The following CACNA2D3 variants were observed in gnomAD, a reference collection of about 807,000 sequenced individuals.
CACNA2D3 encodes the protein calcium voltage-gated channel auxiliary subunit alpha2delta 3.
In CACNA2D3, 60 loss-of-function variants were observed where a neutral mutation model predicts 160.6. The observed-to-expected ratio is 0.37, with a 90% CI of 0.30 to 0.46. The LOEUF is 0.46. Ranked by LOEUF, CACNA2D3 falls within the 20% of genes least tolerant of loss-of-function variation. The pLI is 1.00. For synonymous variants in CACNA2D3, 558 were observed against 492.9 expected, an observed-to-expected ratio of 1.13 and a Z score of -1.75; for missense variants, 1,205 against 1,365.0, an observed-to-expected ratio of 0.88 and a Z score of 1.85.
intron 35 of CACNA2D3, among the ~76,000 whole-genome samples, chr3:55,064,536 C>T (rs1704593000): frequency 6.6e-6 from 1 of 152,124 alleles, no homozygotes; most frequent in Non-Finnish European, 1.5e-5. Context: ...TCCTCACAGC[C>T]CTCCTCTCTC....
chr3:54,236,644 A>G (rs1701883746), intron 2 of CACNA2D3, among the ~76,000 whole-genome samples: 1 of 152,184 alleles, frequency 6.6e-6, no homozygotes, highest in South Asian at 2.1e-4. Flanking sequence ...TCAAAGATGT[A>G]GAAAATTCTT....
chr3:54,416,449 G>C lies in CACNA2D3; in HGVS notation c.381+29675G>C, dbSNP rs1174901072. 2.6e-5 allele frequency among the ~76,000 whole-genome samples: 4 copies of C among 151,968 alleles called. No individual in the cohort carries two copies. In the South Asian group the frequency reaches 8.3e-4, roughly 32 times the overall value. On this transcript the variant is annotated intron_variant, in intron 4 of 37. Transcript: ENST00000474759. ...GACATCTAGTAGCATGTCCACAAAT[G>C]TTTGTTAGAATCTGTTACATCCATA... is the stretch of plus-strand genomic sequence containing the variant.
At position 54,716,750 on chromosome 3, in the gene CACNA2D3, C is replaced by T. The variant is rs182240805; in HGVS notation, c.1168-35849C>T. Among the ~76,000 whole-genome samples, 16 of 152,230 alleles carry T rather than the reference C, an allele frequency of 1.1e-4. No homozygotes were observed. The East Asian group carries it at 2.9e-3, about 28-fold the overall frequency. On this transcript the variant is annotated intron_variant, in intron 11 of 37. Transcript: ENST00000474759. ...TATTTTTGGTTTTGTTTTTCCATGT[C>T]TCAGCTTCCAAGCTAAACTTTTCCC...
At chr3:54,632,362 C>A (rs1330779268) in intron 10 of CACNA2D3, 1 of 152,130 alleles carries the variant, frequency 6.6e-6, no homozygotes, top group Non-Finnish European at 1.5e-5. Flanking sequence ...AACAATGGCC[C>A]TAGAGTATTC....
At chr3:55,037,842 A>C (rs1703864346) in intron 35 of CACNA2D3, among the ~76,000 whole-genome samples, 1 of 152,104 alleles carries the variant, frequency 6.6e-6, no homozygotes, top group Non-Finnish European at 1.5e-5. Flanking sequence ...TGCCGTTTTT[A>C]GATGAAAGTA....
intron 16 of CACNA2D3, among the ~76,000 whole-genome samples, chr3:54,843,110 C>T (rs1228038379): frequency 1.3e-5 from 2 of 151,690 alleles, no homozygotes; most frequent in Non-Finnish European, 1.5e-5. Flanking sequence ...TACAGGTGCC[C>T]GCCACCATGC....
intron 10 of CACNA2D3, 56 bp from the exon 11 acceptor site, chr3:54,642,072 C>G (rs1440311424): frequency 8.7e-7 from 1 of 1,144,712 alleles, no homozygotes; most frequent in Non-Finnish European, 1.2e-6. Context: ...TGATTTTTCA[C>G]TGATACACAG....
chr3:54,554,456 G>A (rs1702207892), intron 5 of CACNA2D3, among the ~76,000 whole-genome samples: 1 of 152,186 alleles, frequency 6.6e-6, no homozygotes, highest in Non-Finnish European at 1.5e-5. Context: ...GAGAGAAAGA[G>A]ACTTGCATAA....
chr3:54,227,481 G>C (rs759369039), intron 2 of CACNA2D3, among the ~76,000 whole-genome samples: 3 of 151,526 alleles, frequency 2.0e-5, no homozygotes, highest in African/African-American at 7.3e-5. Flanking sequence ...GGTATTCCTC[G>C]GGAGAGTGAA....
intron 12 of CACNA2D3, among the ~76,000 whole-genome samples, chr3:54,763,780 C>CATATATATACATATATATACGT: frequency 3.9e-5 from 1 of 25,736 alleles, no homozygotes; most frequent in African/African-American, 1.2e-4. Flanking sequence ...TATATATGTA[C>CATATATATACATATATATACGT]ATATATATGT....
At chr3:54,481,722 A>C (rs1000346764) in intron 4 of CACNA2D3, among the ~76,000 whole-genome samples, 1 of 152,238 alleles carries the variant, frequency 6.6e-6, no homozygotes. Flanking sequence ...CCATTTGCTT[A>C]GGCTTTATGA....
chr3:55,072,678 GTTCC>G (rs1191525131), intron 35 of CACNA2D3, among the ~76,000 whole-genome samples: 1 of 152,166 alleles, frequency 6.6e-6, no homozygotes, highest in Non-Finnish European at 1.5e-5. Flanking sequence ...TCCCTCATTT[GTTCC>G]TCCAAAGAAA....
At chr3:54,491,616 G>T (rs1701111355) in intron 4 of CACNA2D3, among the ~76,000 whole-genome samples, 1 of 152,210 alleles carries the variant, frequency 6.6e-6, no homozygotes, top group East Asian at 1.9e-4. Context: ...AACCAGAGCA[G>T]AGTTCAGGAA....
chr3:54,687,121 CTTTTTTTTTTTTTGTTTTTTTTTTT>C (rs780272682), intron 11 of CACNA2D3, among the ~76,000 whole-genome samples: 37,801 of 95,544 alleles, frequency 0.4, 5,716 homozygotes, highest in African/African-American at 0.46. Flanking sequence ...TTTTCTTTTT[CTTTTTTTTTTTTTGTTTTTTTTTTT>C]TTTTGTTTTT....
intron 2 of CACNA2D3, among the ~76,000 whole-genome samples, chr3:54,123,810 T>C (rs1699529089): frequency 6.6e-6 from 1 of 152,188 alleles, no homozygotes; most frequent in Admixed American, 6.5e-5. Context: ...AAAAGCAGGA[T>C]ACTCACTCGC....
At position 54,355,663 on chromosome 3, in the gene CACNA2D3, T is replaced by C. The variant is rs114067953; in HGVS notation, c.322-31052T>C. 6.3e-3 allele frequency among the ~76,000 whole-genome samples: 953 copies of C among 152,298 alleles called. 5 individuals carry two copies. Among genetic ancestry groups the C allele is most frequent in the African/African-American group, 0.022 (896 of 41,556 alleles). On this transcript the variant is annotated intron_variant, in intron 3 of 37. Coordinates refer to ENST00000474759, the MANE Select transcript of CACNA2D3 (RefSeq NM_018398.3). ...TTAAGTTTGAGATGTCTATTACACA[T>C]GTACCTGGAGATGTAAAAGATGCCG...
chr3:54,547,672 CTTTTTTTTT>C (rs55806357), intron 5 of CACNA2D3, among the ~76,000 whole-genome samples: 1 of 69,282 alleles, frequency 1.4e-5, no homozygotes, highest in African/African-American at 5.6e-5. Context: ...TCCCCCAACC[CTTTTTTTTT>C]TTTTTTTTTT....
At chr3:54,353,378 G>A (rs536251219) in intron 3 of CACNA2D3, among the ~76,000 whole-genome samples, 7 of 152,274 alleles carry the variant, frequency 4.6e-5, no homozygotes, top group Non-Finnish European at 8.8e-5. Flanking sequence ...ACTAACATGG[G>A]TTTGAATCTC....
At chr3:54,857,859 C>G (rs1699205595) in intron 17 of CACNA2D3, among the ~76,000 whole-genome samples, 1 of 152,080 alleles carries the variant, frequency 6.6e-6, no homozygotes, top group South Asian at 2.1e-4. Flanking sequence ...GCATGTATTC[C>G]TAACACACCA....
Sources: gnomAD v4.1 joint callset for allele counts (sites outside exome capture counted in the v4.1 genomes callset) on GRCh38, gnomAD v4.1.1 for gene constraint, MANE v1.5 for transcripts, NCBI Gene and HGNC (gene_info 2026-07-23, HGNC 2026-07-21) for gene names.